The following PRDM2 variants were observed in gnomAD, a reference collection of about 807,000 sequenced individuals.
PRDM2 encodes PR/SET domain 2.
In PRDM2, 30 loss-of-function variants were observed where a neutral mutation model predicts 130.0. That is an observed-to-expected ratio of 0.23 (90% CI 0.17 to 0.31). PRDM2 has a LOEUF of 0.31. Among genes scored for constraint, PRDM2 ranks in the 10% least tolerant of loss-of-function variants. The pLI is 1.00. For synonymous variants in PRDM2, 871 were observed against 782.4 expected, an observed-to-expected ratio of 1.11 and a Z score of -1.89; for missense variants, 2,011 against 2,108.4, an observed-to-expected ratio of 0.95 and a Z score of 0.90.
At chr1:13,815,709 T>C (rs1265173706) in intron 8 of PRDM2, among the ~76,000 whole-genome samples, 1 of 152,180 alleles carries the variant, frequency 6.6e-6, no homozygotes, top group African/African-American at 2.4e-5. Context: ...AATAAATTTT[T>C]TAAAAGCCCT....
chr1:13,750,677 A>G (rs780708120), intron 6 of PRDM2, among the ~76,000 whole-genome samples: 1 of 152,200 alleles, frequency 6.6e-6, no homozygotes, highest in Non-Finnish European at 1.5e-5. Flanking sequence ...CTATTACTGA[A>G]TATGCATTGT....
At chr1:13,732,646 C>A (rs1490938956) in intron 3 of PRDM2, 133 bp from the exon 4 acceptor site, 1 of 591,888 alleles carries the variant, frequency 1.7e-6, no homozygotes, top group African/African-American at 1.9e-5. Context: ...AACTTGATCT[C>A]AGGCTATTTT....
chr1:13,813,605 T>C (rs1056819521), intron 8 of PRDM2, among the ~76,000 whole-genome samples: 21 of 152,216 alleles, frequency 1.4e-4, no homozygotes, highest in African/African-American at 5.1e-4. Flanking sequence ...TCCTACCTCC[T>C]GGGCTGCTGG....
Position 13,780,353 on chromosome 1 carries a change from A to C in PRDM2, c.2558A>C (p.His853Pro). Residue 853 changes from histidine (H) to proline (P), a missense_variant, in exon 8 of 10, where the codon CAT (histidine) becomes CCT (proline). By Grantham distance (77) the His-to-Pro change is moderately conservative. This residue lies in a region of PRDM2 where 1,288 missense variants were observed against 1,237.7 expected (regional missense o/e 1.04). Coordinates refer to ENST00000311066, the MANE Select transcript of PRDM2 (RefSeq NM_001393986.1). ...QWESVLDLSV[H>P]KKHCSDSEGK... ...GAATCTGTCTTAGATCTCAGTGTGC[A>C]TAAAAAGCATTGTAGTGACTCTGAA... 2 of 1,614,242 alleles carry C rather than the reference A, an allele frequency of 1.2e-6. No individual in the cohort carries two copies. The highest frequency in any genetic ancestry group is 1.7e-6 in the Non-Finnish European group (2 of 1,180,044).
At chr1:13,777,657 TG>T in intron 7 of PRDM2, among the ~76,000 whole-genome samples, 1 of 65,880 alleles carries the variant, frequency 1.5e-5, no homozygotes, top group East Asian at 5.5e-4. Flanking sequence ...AATATTTGCA[TG>T]CCTCATTTTC....
At chr1:13,763,492 G>T (rs1281440529) in intron 6 of PRDM2, among the ~76,000 whole-genome samples, 3 of 152,118 alleles carry the variant, frequency 2.0e-5, no homozygotes, top group East Asian at 1.9e-4. Context: ...GGGGATTGTG[G>T]TTTTTTTCCT....
intron 8 of PRDM2, among the ~76,000 whole-genome samples, chr1:13,790,309 T>G (rs532480299): frequency 4.1e-4 from 62 of 152,346 alleles, no homozygotes; most frequent in African/African-American, 1.4e-3. Context: ...ATAATTATCC[T>G]GCAAAGTGGG....
At chr1:13,812,958 C>G (rs1645197327) in intron 8 of PRDM2, among the ~76,000 whole-genome samples, 2 of 152,144 alleles carry the variant, frequency 1.3e-5, no homozygotes. Context: ...CAGGGAGTGG[C>G]TTACCCTGGG....
intron 1 of PRDM2, among the ~76,000 whole-genome samples, 163 bp from the exon 2 acceptor site, chr1:13,715,378 A>G (rs1569701753): frequency 6.6e-6 from 1 of 152,250 alleles, no homozygotes; most frequent in African/African-American, 2.4e-5. Flanking sequence ...TACTGGAGAT[A>G]ATAAATCTGA....
intron 6 of PRDM2, among the ~76,000 whole-genome samples, chr1:13,768,850 C>A (rs564062478): frequency 6.6e-6 from 1 of 152,276 alleles, no homozygotes; most frequent in South Asian, 2.1e-4. Context: ...ATCAGTTTTA[C>A]AATAAGGGCG....
chr1:13,780,993 TTCA>T lies in PRDM2; in HGVS notation c.3201_3203del (p.Ser1072del), dbSNP rs779095987. ...CTTCCTCCTCCTCTTCGTTTTCTTC[TTCA>T]TCTTCCTCCTCTTCTCCTTCTCCAC... On this transcript the variant is annotated inframe_deletion, in exon 8 of 10. Transcript: ENST00000311066. 63 of 1,601,086 alleles carry T rather than the reference TTCA, an allele frequency of 3.9e-5. No individual in the cohort carries two copies. The highest frequency in any genetic ancestry group is 5.2e-5 in the Non-Finnish European group (61 of 1,168,458).
intron 6 of PRDM2, among the ~76,000 whole-genome samples, chr1:13,766,560 A>G (rs970537799): frequency 1.3e-5 from 2 of 152,134 alleles, no homozygotes; most frequent in Non-Finnish European, 2.9e-5. Flanking sequence ...AGCAGGCACA[A>G]CCCACCTTGG....
rs1249415981 is a variant in PRDM2, at chr1:13,816,585, G to A, written c.*23+15G>A. 1 of 1,613,600 alleles carries A rather than the reference G, an allele frequency of 6.2e-7. No individual in the cohort carries two copies. Among genetic ancestry groups the A allele is most frequent in the Non-Finnish European group, 8.5e-7 (1 of 1,179,676 alleles). On this transcript the variant is annotated intron_variant, in intron 9 of 9. Transcript: ENST00000311066. Reference sequence around the variant, plus strand: ...CTCCCTGACAGGTACGAGGCAGGATGGAACAGCTTCTGGCACTGTTTGGGT... The same window carrying A: ...CTCCCTGACAGGTACGAGGCAGGATAGAACAGCTTCTGGCACTGTTTGGGT...
At chr1:13,745,832 G>A (rs1299190614) in intron 5 of PRDM2, among the ~76,000 whole-genome samples, 1 of 152,194 alleles carries the variant, frequency 6.6e-6, no homozygotes, top group African/African-American at 2.4e-5. Flanking sequence ...GGATGGATGA[G>A]TTTTAGGCTT....
Position 13,730,836 on chromosome 1 carries a change from A to C in PRDM2, c.10-164A>C, listed in dbSNP as rs1643078296. 1.3e-5 allele frequency among the ~76,000 whole-genome samples: 2 copies of C among 152,088 alleles called. 1 individual carries two copies. The highest frequency in any genetic ancestry group is 3.9e-4 in the East Asian group (2 of 5,176). On this transcript the variant is annotated intron_variant, in intron 2 of 9. Transcript: ENST00000311066. ...CTTTGGACAGTTACAAACAAGCATC[A>C]AAGCAGCTCCTCAAATGCTTGACAT...
intron 8 of PRDM2, among the ~76,000 whole-genome samples, chr1:13,811,526 T>A (rs1308684227): frequency 6.6e-6 from 1 of 152,134 alleles, no homozygotes; most frequent in Non-Finnish European, 1.5e-5. Context: ...CCTGAGACCA[T>A]GTTTCCTCCA....
intron 9 of PRDM2, among the ~76,000 whole-genome samples, chr1:13,821,431 C>CATTTATTTATTTATTT (rs112704883): frequency 1.4e-5 from 2 of 138,200 alleles, no homozygotes; most frequent in East Asian, 2.1e-4. Context: ...ATGCAGTGAA[C>CATTTATTTATTTATTT]ATTTATTTAT....
intron 8 of PRDM2, among the ~76,000 whole-genome samples, chr1:13,813,005 A>T (rs921061656): frequency 6.6e-6 from 1 of 151,980 alleles, no homozygotes; most frequent in Non-Finnish European, 1.5e-5. Flanking sequence ...ATTAGAGGCC[A>T]CCCCCAGGTC....
Position 13,773,105 on chromosome 1 carries a change from A to G in PRDM2, c.539A>G (p.Asn180Ser). Residue 180 changes from asparagine to serine, a missense_variant, in exon 7 of 10, where the codon AAC (asparagine) becomes AGC (serine). Physicochemically the swap from Asn to Ser is conservative, Grantham distance 46. Around this residue, in one of 5 missense-constraint regions of PRDM2, gnomAD observed 1,288 missense variants for 1,237.7 expected, o/e 1.04. Transcript: ENST00000311066. The part of the protein sequence containing the change: ...KGKKKSQENK[N>S]KGNKIQDIQL... ...AAGAAAAAATCCCAGGAAAATAAAA[A>G]CAAAGGAAACAAAATCCAAGACATA... The G allele has an allele frequency of 6.4e-7, 1 of 1,561,130 alleles. No individual in the cohort carries two copies. The highest frequency in any genetic ancestry group is 8.6e-7 in the Non-Finnish European group (1 of 1,159,286).
Sources: allele counts gnomAD v4.1 joint callset (sites outside exome capture counted in the v4.1 genomes callset), GRCh38; gene constraint gnomAD v4.1.1; regional missense constraint gnomAD v4.1.1; transcripts MANE v1.5; gene names NCBI Gene and HGNC (gene_info 2026-07-23, HGNC 2026-07-21).